The following MBNL2 variants were observed in gnomAD, a reference collection of about 807,000 sequenced individuals.
MBNL2 encodes the protein muscleblind like splicing regulator 2.
MBNL2 carries 17 observed loss-of-function variants against 41.9 expected under a neutral mutation model. The ratio of observed to expected loss-of-function variants is 0.41; its 90% CI spans 0.28 to 0.61. The LOEUF (loss-of-function observed/expected upper bound fraction) is 0.61. MBNL2 is among the 20% of genes least tolerant of loss of function. The probability of loss-of-function intolerance (pLI) is 0.35; values close to 1 mark genes in which losing one functional copy is unlikely to be tolerated. For missense variants in MBNL2, 336 were observed against 505.6 expected, an observed-to-expected ratio of 0.66 and a Z score of 3.22; for synonymous variants, 195 against 182.9, an observed-to-expected ratio of 1.07 and a Z score of -0.53.
chr13:97,271,841 G>A (rs1305154919), intron 1 of MBNL2, among the ~76,000 whole-genome samples: 2 of 152,258 alleles, frequency 1.3e-5, no homozygotes, highest in East Asian at 3.9e-4. Flanking sequence ...CATTTGGGTT[G>A]ATTTCATGTC....
intron 1 of MBNL2, among the ~76,000 whole-genome samples, chr13:97,234,502 CG>C (rs918981215): frequency 1.3e-5 from 2 of 152,020 alleles, no homozygotes; most frequent in Admixed American, 6.5e-5. Flanking sequence ...AGTGCGGGGG[CG>C]GGGGGTAGTG....
At chr13:97,339,973 TC>T (rs1333901220) in intron 3 of MBNL2, among the ~76,000 whole-genome samples, 1 of 150,684 alleles carries the variant, frequency 6.6e-6, no homozygotes, top group African/African-American at 2.5e-5. Context: ...GAGCCAGGAG[TC>T]CCGGGTGTTC....
At chr13:97,318,058 G>C (rs1239388174) in intron 2 of MBNL2, among the ~76,000 whole-genome samples, 1 of 152,188 alleles carries the variant, frequency 6.6e-6, no homozygotes, top group Non-Finnish European at 1.5e-5. Context: ...GGCTGAGTAG[G>C]TTCAAGTCTG....
the MBNL2 span, among the ~76,000 whole-genome samples, chr13:97,166,225 A>G: frequency 1.3e-5 from 2 of 152,348 alleles, no homozygotes; most frequent in South Asian, 4.1e-4. Context: ...TTTCCTTCTG[A>G]ATTAAATAAT....
At chr13:97,257,235 TCAGAC>T (rs369879605) in intron 1 of MBNL2, among the ~76,000 whole-genome samples, 1 of 151,386 alleles carries the variant, frequency 6.6e-6, no homozygotes, top group African/African-American at 2.4e-5. Context: ...GAGAAGGAGG[TCAGAC>T]CAGTTTAAGG....
At chr13:97,360,431 C>A (rs889860206) in intron 7 of MBNL2, among the ~76,000 whole-genome samples, 1 of 151,032 alleles carries the variant, frequency 6.6e-6, no homozygotes, top group African/African-American at 2.4e-5. Flanking sequence ...TTTCTTTTTT[C>A]ATTGGGATTA....
At chr13:97,284,320 T>A (rs1054223199) in intron 2 of MBNL2, among the ~76,000 whole-genome samples, 1 of 152,200 alleles carries the variant, frequency 6.6e-6, no homozygotes, top group African/African-American at 2.4e-5. Context: ...AACCAGTTCT[T>A]GCCTCTTTCG....
chr13:97,269,167 G>A (rs942190178), intron 1 of MBNL2, among the ~76,000 whole-genome samples: 4 of 152,166 alleles, frequency 2.6e-5, no homozygotes, highest in African/African-American at 4.8e-5. Flanking sequence ...GCTAATTAGG[G>A]TAGGATTGTT....
rs746528237 is a variant in MBNL2 at position 97,391,406 on chromosome 13, A to C, written c.1133A>C (p.Tyr378Ser). The change falls in exon 9 of 9, where the codon TAT (tyrosine) becomes TCT (serine). Residue 378 changes from tyrosine to serine, a missense_variant. Coordinates refer to ENST00000679496, the MANE Select transcript of MBNL2 (RefSeq NM_001382683.1). ...ACTAAACATTGTTACTGTACATACT[A>C]TCCTGTTTCCTCCTCAATAGAATTG... ...RITKHCYCTY[Y>S]PVSSSIELPQ... The C allele has an allele frequency of 1.3e-6, 2 of 1,564,232 alleles. No homozygotes were observed. The highest frequency in any genetic ancestry group is 1.7e-5 in the Admixed American group (1 of 59,870).
upstream of MBNL2, among the ~76,000 whole-genome samples, chr13:97,216,695 T>C (rs951162727): frequency 1.3e-5 from 2 of 152,174 alleles, no homozygotes; most frequent in Non-Finnish European, 2.9e-5. Context: ...TTAAACATCA[T>C]CAAACATTAA....
intron 1 of MBNL2, among the ~76,000 whole-genome samples, chr13:97,243,058 C>T (rs1319846163): frequency 6.6e-6 from 1 of 152,196 alleles, no homozygotes; most frequent in East Asian, 1.9e-4. Flanking sequence ...AGAGTGTCAC[C>T]AACCCAGCCA....
At chr13:97,235,323 T>C (rs777136447) in intron 1 of MBNL2, among the ~76,000 whole-genome samples, 2 of 152,210 alleles carry the variant, frequency 1.3e-5, no homozygotes, top group Non-Finnish European at 2.9e-5. Flanking sequence ...GCCAGCTTTC[T>C]AGCTGACCAC....
chr13:97,142,027 T>C, the MBNL2 span, among the ~76,000 whole-genome samples: 1 of 152,074 alleles, frequency 6.6e-6, no homozygotes, highest in Non-Finnish European at 1.5e-5. Context: ...GAGAGAAGGT[T>C]AATTTGCAAA....
intron 2 of MBNL2, among the ~76,000 whole-genome samples, chr13:97,321,745 T>C (rs181986014): frequency 8.5e-5 from 13 of 152,274 alleles, no homozygotes; most frequent in Admixed American, 1.3e-4. Context: ...AGGTGTGATA[T>C]AGAAGTTCCA....
the MBNL2 span, among the ~76,000 whole-genome samples, chr13:97,208,555 C>T: frequency 6.6e-6 from 1 of 152,094 alleles, no homozygotes; most frequent in Non-Finnish European, 1.5e-5. Flanking sequence ...AACCCTAGTC[C>T]CTAGTCTTTA....
chr13:97,165,959 A>C, the MBNL2 span, among the ~76,000 whole-genome samples: 1 of 152,186 alleles, frequency 6.6e-6, no homozygotes, highest in Non-Finnish European at 1.5e-5. Context: ...TCCATCATTG[A>C]AATTCTGTTT....
chr13:97,317,520 T>C (rs985803553), intron 2 of MBNL2, among the ~76,000 whole-genome samples: 3 of 152,238 alleles, frequency 2.0e-5, no homozygotes, highest in South Asian at 2.1e-4. Context: ...CATTGATATG[T>C]GCCTAAAGTA....
chr13:97,245,501 A>G (rs937918744), intron 1 of MBNL2, among the ~76,000 whole-genome samples: 4 of 152,312 alleles, frequency 2.6e-5, no homozygotes, highest in Admixed American at 6.5e-5. Flanking sequence ...GCTGGTAACA[A>G]TGTTTCTAGA....
At chr13:97,269,999 A>C (rs1401990828) in intron 1 of MBNL2, among the ~76,000 whole-genome samples, 1 of 152,252 alleles carries the variant, frequency 6.6e-6, no homozygotes, top group Non-Finnish European at 1.5e-5. Flanking sequence ...CATGGCAGCA[A>C]CCATGTACAT....
Sources: gnomAD v4.1 joint callset for allele counts (sites outside exome capture counted in the v4.1 genomes callset) on GRCh38, gnomAD v4.1.1 for gene constraint, MANE v1.5 for transcripts, NCBI Gene and HGNC (gene_info 2026-07-23, HGNC 2026-07-21) for gene names.